RASGRF2: variants seen among roughly 807,000 people sequenced by gnomAD.
RASGRF2 encodes the protein ras-specific guanine nucleotide-releasing factor 2.
A neutral mutation model predicts 151.0 loss-of-function variants in RASGRF2; 76 were observed. The ratio of observed to expected loss-of-function variants is 0.50; its 90% CI spans 0.42 to 0.61. The LOEUF (loss-of-function observed/expected upper bound fraction) is 0.61, where lower values mean the gene tolerates loss of function less well. RASGRF2 is among the 20% of genes least tolerant of loss of function. The pLI is 0.00. For missense variants in RASGRF2, 1,148 were observed against 1,564.6 expected (o/e 0.73, Z 4.49); for synonymous variants, 504 against 566.5 (o/e 0.89, Z 1.57).
chr5:81,073,072 T>C, intron 4 of RASGRF2, 127 bp from the exon 5 acceptor site: 1 of 1,163,598 alleles, frequency 8.6e-7, no homozygotes, highest in Non-Finnish European at 1.2e-6. Flanking sequence ...CCCTAGGGAA[T>C]CCTTATCAAT....
intron 1 of RASGRF2, among the ~76,000 whole-genome samples, chr5:80,982,757 C>T (rs943242843): frequency 6.6e-6 from 1 of 151,868 alleles, no homozygotes; most frequent in African/African-American, 2.4e-5. Flanking sequence ...CCTGCCACCA[C>T]CCCCGGCTCA....
chr5:81,162,951 G>A lies in RASGRF2; in HGVS notation c.2687-17224G>A, dbSNP rs145389760. Among the ~76,000 whole-genome samples, 337 of 152,188 alleles carry A rather than the reference G, an allele frequency of 2.2e-3. 1 individual carries two copies. The highest frequency in any genetic ancestry group is 7.7e-3 in the African/African-American group (321 of 41,518). On this transcript the variant is annotated intron_variant, in intron 17 of 26. Coordinates refer to ENST00000265080, the MANE Select transcript of RASGRF2 (RefSeq NM_006909.3). ...ATCTAGGAATCACTTCTGGAACACC[G>A]TGTGCAATTGGCCCATCAAGGGGGC...
At chr5:81,066,214 C>T (rs1248084482) in intron 2 of RASGRF2, among the ~76,000 whole-genome samples, 6 of 152,080 alleles carry the variant, frequency 3.9e-5, no homozygotes. Flanking sequence ...ATCTTTTCTT[C>T]TTCTTTTCCC....
intron 1 of RASGRF2, among the ~76,000 whole-genome samples, chr5:81,040,968 G>A (rs1342275446): frequency 1.3e-5 from 2 of 152,122 alleles, no homozygotes; most frequent in African/African-American, 2.4e-5. Flanking sequence ...ATAGGCTAGA[G>A]CATATCTTCA....
chr5:80,968,952 G>C (rs898594344), intron 1 of RASGRF2, among the ~76,000 whole-genome samples: 1 of 151,906 alleles, frequency 6.6e-6, no homozygotes, highest in African/African-American at 2.4e-5. Flanking sequence ...CCAAAGTGCT[G>C]AGATTACCAG....
chr5:81,154,569 A>C (rs1018702119), intron 17 of RASGRF2, among the ~76,000 whole-genome samples: 3 of 152,228 alleles, frequency 2.0e-5, no homozygotes, highest in Non-Finnish European at 4.4e-5. Flanking sequence ...AAATATCTCC[A>C]AGATACACCA....
At chr5:81,086,737 G>C in intron 8 of RASGRF2, 98 bp from the exon 9 acceptor site, 1 of 976,740 alleles carries the variant, frequency 1.0e-6, no homozygotes, top group African/African-American at 1.6e-5. Context: ...ATCGATACAA[G>C]CTTGCAACCG....
chr5:81,066,143 G>A (rs1751594885), intron 2 of RASGRF2, among the ~76,000 whole-genome samples: 1 of 151,810 alleles, frequency 6.6e-6, no homozygotes, highest in African/African-American at 2.4e-5. Context: ...CTTTTTTTAT[G>A]CTCTATTATT....
intron 1 of RASGRF2, among the ~76,000 whole-genome samples, chr5:81,038,455 G>A (rs1561571213): frequency 6.7e-6 from 1 of 150,246 alleles, no homozygotes; most frequent in Non-Finnish European, 1.5e-5. Flanking sequence ...ACAATTAAAT[G>A]TCTTTTAAAA....
chr5:81,094,415 G>C, intron 11 of RASGRF2, 53 bp downstream of exon 11: 1 of 1,515,480 alleles, frequency 6.6e-7, no homozygotes, highest in Non-Finnish European at 9.0e-7. Context: ...GCGGGAGAGA[G>C]AGGCTGAGGA....
At chr5:81,206,801 G>A (rs761256050) in intron 19 of RASGRF2, 44 bp from the exon 20 acceptor site, 1 of 1,521,902 alleles carries the variant, frequency 6.6e-7, no homozygotes, top group Admixed American at 1.7e-5. Context: ...TTCCTAGGTT[G>A]TCTATTTTTT....
intron 1 of RASGRF2, among the ~76,000 whole-genome samples, chr5:81,035,390 C>T (rs948675722): frequency 3.3e-5 from 5 of 152,108 alleles, no homozygotes; most frequent in Non-Finnish European, 7.3e-5. Flanking sequence ...CGTGTTCTCA[C>T]TCATAGGTGG....
At chr5:81,110,783 T>C (rs553360941) in intron 13 of RASGRF2, among the ~76,000 whole-genome samples, 33 of 152,342 alleles carry the variant, frequency 2.2e-4, no homozygotes, top group African/African-American at 7.9e-4. Flanking sequence ...CTCAGATCTT[T>C]TTACGAATGA....
At chr5:81,150,518 C>A (rs1754108799) in intron 17 of RASGRF2, among the ~76,000 whole-genome samples, 1 of 152,110 alleles carries the variant, frequency 6.6e-6, no homozygotes, top group South Asian at 2.1e-4. Context: ...AGATCTCCAG[C>A]CCCTATCGTC....
At chr5:81,020,002 T>G (rs1749773935) in intron 1 of RASGRF2, among the ~76,000 whole-genome samples, 1 of 152,234 alleles carries the variant, frequency 6.6e-6, no homozygotes, top group South Asian at 2.1e-4. Flanking sequence ...GTTCTCATAT[T>G]GGGTTACATT....
chr5:81,003,442 C>T (rs1352794911), intron 1 of RASGRF2, among the ~76,000 whole-genome samples: 1 of 152,138 alleles, frequency 6.6e-6, no homozygotes, highest in African/African-American at 2.4e-5. Flanking sequence ...CCAGGATGGT[C>T]TCGATCTACT....
At chr5:81,003,292 G>A (rs891289039) in intron 1 of RASGRF2, among the ~76,000 whole-genome samples, 30 of 146,776 alleles carry the variant, frequency 2.0e-4, no homozygotes, top group African/African-American at 6.3e-4. Flanking sequence ...GCGCGATCTC[G>A]GCTCACTGCA....
intron 1 of RASGRF2, among the ~76,000 whole-genome samples, chr5:80,972,229 A>G (rs1747961897): frequency 1.3e-5 from 2 of 152,198 alleles, no homozygotes; most frequent in Non-Finnish European, 2.9e-5. Context: ...TTCAAAGGGC[A>G]TGCATATATT....
intron 17 of RASGRF2, among the ~76,000 whole-genome samples, chr5:81,168,333 C>T (rs1489856125): frequency 1.1e-5 from 1 of 94,034 alleles, no homozygotes; most frequent in African/African-American, 4.4e-5. Context: ...TTTTTTAAGA[C>T]AGAGTCTGGC....
Sources: allele counts gnomAD v4.1 joint callset (sites outside exome capture counted in the v4.1 genomes callset), GRCh38; gene constraint gnomAD v4.1.1; transcripts MANE v1.5; gene names NCBI Gene and HGNC (gene_info 2026-07-23, HGNC 2026-07-21).